SEMA3E: variants seen among roughly 807,000 people sequenced by gnomAD.
SEMA3E encodes semaphorin 3E, also known as semaphorin-3E.
In SEMA3E, 49 loss-of-function variants were observed where a neutral mutation model predicts 93.6. The observed-to-expected ratio is 0.52, with a 90% confidence interval of 0.42 to 0.66. The LOEUF is 0.66. Ranked by LOEUF, SEMA3E falls within the 30% of genes least tolerant of loss-of-function variation. The pLI, the probability that SEMA3E is intolerant of heterozygous loss-of-function variation, is 0.00. For synonymous variants in SEMA3E, 363 were observed against 330.7 expected (o/e 1.10, Z -1.06); for missense variants, 906 against 964.8 (o/e 0.94, Z 0.81).
intron 1 of SEMA3E, among the ~76,000 whole-genome samples, chr7:83,603,940 C>G (rs1160272382): frequency 6.6e-6 from 1 of 152,042 alleles, no homozygotes; most frequent in Non-Finnish European, 1.5e-5. Flanking sequence ...AAATTAGGTG[C>G]TAAGAAACTG....
intron 10 of SEMA3E, among the ~76,000 whole-genome samples, chr7:83,401,110 A>C (rs1365034161): frequency 6.6e-6 from 1 of 152,148 alleles, no homozygotes; most frequent in African/African-American, 2.4e-5. Flanking sequence ...TGACAAAATA[A>C]ACTGGGAAAA....
rs1348385587 is a variant in SEMA3E at position 83,466,415 on chromosome 7, T to C, written c.456+67A>G. On this transcript the variant is annotated intron_variant, in intron 4 of 16. Coordinates refer to ENST00000643230, the MANE Select transcript of SEMA3E (RefSeq NM_012431.3). ...TCTTTCTTGGGAAGAAATGCTGTAG[T>C]CTTTCTTTGAGAACAAGGTTGTTTT... 38 of 1,557,452 alleles carry C rather than the reference T, an allele frequency of 2.4e-5. No homozygotes were observed. In the East Asian group the frequency reaches 8.1e-4, roughly 33 times the overall value.
chr7:83,502,349 T>A (rs569083885), intron 1 of SEMA3E, among the ~76,000 whole-genome samples: 2 of 152,298 alleles, frequency 1.3e-5, no homozygotes, highest in South Asian at 2.1e-4. Context: ...GTTTCCCAAC[T>A]CCTTTAGATT....
At chr7:83,608,055 G>A (rs1234158344) in intron 1 of SEMA3E, among the ~76,000 whole-genome samples, 1 of 151,736 alleles carries the variant, frequency 6.6e-6, no homozygotes, top group Non-Finnish European at 1.5e-5. Context: ...TACTAAAGAC[G>A]CAAAAAATTA....
At chr7:83,532,009 G>C (rs959149831) in intron 1 of SEMA3E, among the ~76,000 whole-genome samples, 3 of 152,090 alleles carry the variant, frequency 2.0e-5, no homozygotes, top group African/African-American at 7.2e-5. Context: ...TGTGATAAAC[G>C]TGACTTTTTA....
intron 1 of SEMA3E, among the ~76,000 whole-genome samples, chr7:83,573,499 G>T (rs1792330165): frequency 6.6e-6 from 1 of 152,046 alleles, no homozygotes; most frequent in African/African-American, 2.4e-5. Flanking sequence ...TTCCGGAAAT[G>T]GAGGAAAAGA....
chr7:83,551,877 G>A (rs1486998775), intron 1 of SEMA3E, among the ~76,000 whole-genome samples: 2 of 152,062 alleles, frequency 1.3e-5, no homozygotes, highest in African/African-American at 4.8e-5. Context: ...TCCCAGATGT[G>A]ACAATCAAAA....
At chr7:83,609,627 A>G (rs1210448175) in intron 1 of SEMA3E, among the ~76,000 whole-genome samples, 1 of 151,962 alleles carries the variant, frequency 6.6e-6, no homozygotes, top group East Asian at 1.9e-4. Context: ...TACCTAAACT[A>G]TATATTGTGA....
chr7:83,505,046 AG>A (rs1286311169), intron 1 of SEMA3E, among the ~76,000 whole-genome samples: 1 of 152,066 alleles, frequency 6.6e-6, no homozygotes, highest in African/African-American at 2.4e-5. Flanking sequence ...TAAATTATAT[AG>A]TGGTTTCTTC....
chr7:83,600,823 G>T (rs1002120407), intron 1 of SEMA3E, among the ~76,000 whole-genome samples: 4 of 152,152 alleles, frequency 2.6e-5, no homozygotes, highest in Non-Finnish European at 5.9e-5. Context: ...GCAGTACTAA[G>T]TGGCAATTAC....
intron 4 of SEMA3E, among the ~76,000 whole-genome samples, chr7:83,424,299 A>G (rs1395380691): frequency 2.0e-5 from 3 of 152,226 alleles, no homozygotes; most frequent in South Asian, 2.1e-4. Flanking sequence ...TGAAAGCACT[A>G]TAATTCCTCT....
chr7:83,445,549 C>T (rs1789208743), intron 4 of SEMA3E, among the ~76,000 whole-genome samples: 1 of 152,000 alleles, frequency 6.6e-6, no homozygotes, highest in African/African-American at 2.4e-5. Flanking sequence ...GAAACCCCGT[C>T]CCTACTAATA....
intron 1 of SEMA3E, among the ~76,000 whole-genome samples, chr7:83,624,439 C>A (rs969688447): frequency 6.6e-6 from 1 of 151,982 alleles, no homozygotes; most frequent in Non-Finnish European, 1.5e-5. Context: ...GTTGGTATGT[C>A]ATTGTGGTTT....
At chr7:83,454,204 G>A (rs1789426877) in intron 4 of SEMA3E, among the ~76,000 whole-genome samples, 1 of 138,436 alleles carries the variant, frequency 7.2e-6, no homozygotes, top group South Asian at 2.3e-4. Context: ...CTTGCAGTGA[G>A]CCGAGATGGC....
chr7:83,443,412 G>A (rs1789159085), intron 4 of SEMA3E, among the ~76,000 whole-genome samples: 1 of 152,108 alleles, frequency 6.6e-6, no homozygotes, highest in South Asian at 2.1e-4. Context: ...GGTCACAGAA[G>A]AATTATAGCA....
intron 1 of SEMA3E, among the ~76,000 whole-genome samples, chr7:83,528,852 G>T (rs3801528): frequency 0.53 from 80,106 of 151,832 alleles, 23,476 homozygotes; most frequent in Middle Eastern, 0.69. Context: ...ATTTATTAGT[G>T]TTCTCTACCT....
At chr7:83,456,808 T>G (rs1018679422) in intron 4 of SEMA3E, among the ~76,000 whole-genome samples, 1 of 151,970 alleles carries the variant, frequency 6.6e-6, no homozygotes, top group African/African-American at 2.4e-5. Context: ...GAGATAGGGT[T>G]TCACCATGTT....
chr7:83,610,598 T>C (rs1226285578), intron 1 of SEMA3E, among the ~76,000 whole-genome samples: 1 of 152,096 alleles, frequency 6.6e-6, no homozygotes, highest in Non-Finnish European at 1.5e-5. Flanking sequence ...TAGGGGCTAA[T>C]GTATGTCCCT....
intron 3 of SEMA3E, among the ~76,000 whole-genome samples, chr7:83,467,211 T>C (rs1789786875): frequency 6.6e-6 from 1 of 152,044 alleles, no homozygotes; most frequent in Non-Finnish European, 1.5e-5. Context: ...ACTACAGGCA[T>C]GTGCCACCAT....
Sources: allele counts gnomAD v4.1 joint callset (sites outside exome capture counted in the v4.1 genomes callset), GRCh38; gene constraint gnomAD v4.1.1; transcripts MANE v1.5; gene names NCBI Gene and HGNC (gene_info 2026-07-23, HGNC 2026-07-21).